RIPOR2: variants seen among roughly 807,000 people sequenced by gnomAD.
The protein encoded by RIPOR2 is rho family-interacting cell polarization regulator 2.
In RIPOR2, 39 loss-of-function variants were observed where a neutral mutation model predicts 114.5. That is an observed-to-expected ratio of 0.34 (90% CI 0.26 to 0.44). The LOEUF (loss-of-function observed/expected upper bound fraction) is 0.44. Among genes scored for constraint, RIPOR2 ranks in the 20% least tolerant of loss-of-function variants. The pLI is 1.00. For missense variants in RIPOR2, 1,007 were observed against 1,255.1 expected, an observed-to-expected ratio of 0.80 and a Z score of 2.99; for synonymous variants, 445 against 484.4, an observed-to-expected ratio of 0.92 and a Z score of 1.07.
At chr6:24,847,308 C>T (rs190448912) in intron 12 of RIPOR2, among the ~76,000 whole-genome samples, 168 of 152,292 alleles carry the variant, frequency 1.1e-3, no homozygotes, top group Non-Finnish European at 1.9e-3. Flanking sequence ...CCATGGATAT[C>T]TTTGCCACAA....
intron 17 of RIPOR2, among the ~76,000 whole-genome samples, chr6:24,829,246 G>C (rs1009820985): frequency 3.4e-4 from 52 of 152,114 alleles, no homozygotes; most frequent in African/African-American, 1.0e-3. Flanking sequence ...CCTGGGAGGC[G>C]AAGGTTGCAG....
At chr6:24,983,191 C>T (rs746155971) in intron 1 of RIPOR2, among the ~76,000 whole-genome samples, 11 of 113,214 alleles carry the variant, frequency 9.7e-5, no homozygotes, top group African/African-American at 3.1e-4. Flanking sequence ...AGGTTGAACA[C>T]GTACACACAC....
At chr6:24,828,610 C>G (rs531646367) in intron 17 of RIPOR2, among the ~76,000 whole-genome samples, 1 of 152,206 alleles carries the variant, frequency 6.6e-6, no homozygotes, top group Admixed American at 6.5e-5. Flanking sequence ...CCATTTAGAT[C>G]AAGATATGGA....
intron 8 of RIPOR2, among the ~76,000 whole-genome samples, chr6:24,855,810 G>T (rs1048687281): frequency 2.0e-5 from 3 of 152,192 alleles, no homozygotes; most frequent in African/African-American, 7.2e-5. Flanking sequence ...AAGGCAGTAG[G>T]ATCACTTGAG....
rs868065900 is a variant in RIPOR2, at chr6:24,868,961, G to A, written c.501+133C>T. On this transcript the variant is annotated intron_variant, in intron 6 of 21. Transcript: ENST00000643898. Reference sequence around the variant, plus strand: ...CCATCTTTAGTGCCCACTTGATGACGTAATTGCTAGTCAGCTTAGGAGTCA... The same window carrying A: ...CCATCTTTAGTGCCCACTTGATGACATAATTGCTAGTCAGCTTAGGAGTCA... 60 of 537,358 alleles carry A rather than the reference G, an allele frequency of 1.1e-4. No individual in the cohort carries two copies. The Middle Eastern group carries it at 1.7e-3, about 15-fold the overall frequency. 33.3% of individuals were successfully genotyped at this position (537,358 alleles called of 1,614,324 possible). A position where few individuals can be genotyped will look rare whatever the true frequency, so the allele number is the denominator to read the frequency against.
chr6:24,986,943 A>C (rs1414793100), intron 1 of RIPOR2, among the ~76,000 whole-genome samples: 4 of 151,814 alleles, frequency 2.6e-5, no homozygotes, highest in Admixed American at 2.6e-4. Flanking sequence ...ATTGCAAAAA[A>C]TCTCATAATG....
At chr6:24,912,192 A>C (rs532743599) in intron 1 of RIPOR2, among the ~76,000 whole-genome samples, 4 of 152,344 alleles carry the variant, frequency 2.6e-5, no homozygotes, top group African/African-American at 9.6e-5. Context: ...CTGTGAGTTC[A>C]TAGGGCAGGG....
At chr6:24,833,266 G>A (rs2113689487) in intron 15 of RIPOR2, among the ~76,000 whole-genome samples, 1 of 152,276 alleles carries the variant, frequency 6.6e-6, no homozygotes, top group East Asian at 1.9e-4. Flanking sequence ...ACTTTGGGAG[G>A]CTGAGGCAGG....
At chr6:24,824,143 C>T (rs1342138341) in intron 19 of RIPOR2, among the ~76,000 whole-genome samples, 1 of 152,226 alleles carries the variant, frequency 6.6e-6, no homozygotes, top group Non-Finnish European at 1.5e-5. Flanking sequence ...CCATAAACTG[C>T]ACACTCAGAT....
At chr6:24,873,845 G>A (rs749950110) in intron 2 of RIPOR2, 46 bp from the exon 3 acceptor site, 47 of 1,505,716 alleles carry the variant, frequency 3.1e-5, no homozygotes, top group Non-Finnish European at 4.2e-5. Flanking sequence ...CATCCAAAAG[G>A]ATTTGACCAA....
intron 1 of RIPOR2, among the ~76,000 whole-genome samples, chr6:25,040,078 C>G (rs1379691302): frequency 6.6e-6 from 1 of 151,602 alleles, no homozygotes; most frequent in Non-Finnish European, 1.5e-5. Flanking sequence ...CAACATATAA[C>G]TAGGCATCTA....
At chr6:25,004,855 C>T (rs945829953) in intron 1 of RIPOR2, among the ~76,000 whole-genome samples, 2 of 151,940 alleles carry the variant, frequency 1.3e-5, no homozygotes, top group African/African-American at 2.4e-5. Context: ...GGGAGACAAA[C>T]ATTTTTCCAG....
chr6:24,844,438 T>C (rs1762051008), intron 12 of RIPOR2, among the ~76,000 whole-genome samples: 1 of 152,164 alleles, frequency 6.6e-6, no homozygotes, highest in African/African-American at 2.4e-5. Flanking sequence ...GCTTTTGAGT[T>C]ACTGAGATTA....
At chr6:24,924,895 AATTTT>A (rs1354821306) in intron 1 of RIPOR2, among the ~76,000 whole-genome samples, 10 of 152,258 alleles carry the variant, frequency 6.6e-5, no homozygotes, top group African/African-American at 2.4e-4. Flanking sequence ...AAAATGAGGA[AATTTT>A]ATAAATATAT....
intron 1 of RIPOR2, among the ~76,000 whole-genome samples, chr6:24,899,849 G>A (rs182705167): frequency 5.3e-5 from 8 of 152,256 alleles, no homozygotes; most frequent in South Asian, 4.1e-4. Flanking sequence ...GAGAAGGCAC[G>A]CCACTGATAT....
intron 9 of RIPOR2, 53 bp from the exon 10 acceptor site, chr6:24,850,775 C>T: frequency 1.2e-6 from 2 of 1,602,644 alleles, no homozygotes; most frequent in Non-Finnish European, 1.7e-6. Flanking sequence ...CTCTTCTCCA[C>T]CAGAACACCA....
chr6:25,041,759 GAGA>G (rs552778594), intron 1 of RIPOR2: 193 of 641,850 alleles, frequency 3.0e-4, no homozygotes, highest in Non-Finnish European at 5.0e-4. Flanking sequence ...GGAAAGATTG[GAGA>G]AGATTTGCAG....
At chr6:25,038,812 T>G (rs1300142811) in intron 1 of RIPOR2, among the ~76,000 whole-genome samples, 1 of 152,234 alleles carries the variant, frequency 6.6e-6, no homozygotes, top group Non-Finnish European at 1.5e-5. Flanking sequence ...TGTGGTAATT[T>G]GTTACAAAGC....
chr6:24,977,181 A>G (rs2113568594), intron 1 of RIPOR2, among the ~76,000 whole-genome samples: 1 of 151,678 alleles, frequency 6.6e-6, no homozygotes, highest in Non-Finnish European at 1.5e-5. Context: ...TAAAAACTAA[A>G]TAACAACAAC....
Sources: allele counts gnomAD v4.1 joint callset (sites outside exome capture counted in the v4.1 genomes callset), GRCh38; gene constraint gnomAD v4.1.1; transcripts MANE v1.5; gene names NCBI Gene and HGNC (gene_info 2026-07-23, HGNC 2026-07-21).